Variants in ANO3 observed in about 807,000 individuals in gnomAD.
The protein encoded by ANO3 is anoctamin 3.
ANO3 carries 99 observed loss-of-function variants against 144.8 expected under a neutral mutation model. The observed-to-expected ratio is 0.68, with a 90% CI of 0.58 to 0.81. The LOEUF (loss-of-function observed/expected upper bound fraction) is 0.81. ANO3 is among the 30% of genes least tolerant of loss of function. ANO3 has a pLI of 0.00. For synonymous variants in ANO3, 414 were observed against 392.6 expected, an observed-to-expected ratio of 1.05 and a Z score of -0.64; for missense variants, 905 against 1,202.2, an observed-to-expected ratio of 0.75 and a Z score of 3.66.
intron 4 of ANO3, among the ~76,000 whole-genome samples, chr11:26,490,407 A>G (rs758606689): frequency 1.3e-5 from 2 of 152,196 alleles, no homozygotes; most frequent in African/African-American, 4.8e-5. Context: ...GCACATTATT[A>G]TAAACTCTAG....
At chr11:26,633,612 C>T (rs1251522550) in intron 18 of ANO3, among the ~76,000 whole-genome samples, 2 of 152,178 alleles carry the variant, frequency 1.3e-5, no homozygotes, top group Non-Finnish European at 2.9e-5. Flanking sequence ...ATGATGATAG[C>T]AGAGAGAATC....
intron 4 of ANO3, among the ~76,000 whole-genome samples, chr11:26,484,173 CA>C (rs995285431): frequency 1.4e-4 from 21 of 151,994 alleles, no homozygotes; most frequent in African/African-American, 5.1e-4. Flanking sequence ...AAAAGGGAAA[CA>C]GAGCATAAAA....
chr11:26,622,942 T>C (rs1172110885), intron 17 of ANO3, among the ~76,000 whole-genome samples: 1 of 152,186 alleles, frequency 6.6e-6, no homozygotes, highest in African/African-American at 2.4e-5. Context: ...GTACTATTTT[T>C]TGGGCAATTG....
At chr11:26,468,600 G>T (rs530700192) in intron 4 of ANO3, among the ~76,000 whole-genome samples, 17 of 152,074 alleles carry the variant, frequency 1.1e-4, no homozygotes, top group Non-Finnish European at 1.9e-4. Flanking sequence ...GATAGCTTTT[G>T]TAGTCTTCTA....
At chr11:26,234,274 T>G (rs1260448724) in intron 1 of ANO3, among the ~76,000 whole-genome samples, 1 of 152,224 alleles carries the variant, frequency 6.6e-6, no homozygotes, top group African/African-American at 2.4e-5. Context: ...GTTTGTTTTT[T>G]CATATTCTTA....
At chr11:26,229,148 C>A (rs1852330834) in intron 1 of ANO3, among the ~76,000 whole-genome samples, 1 of 151,958 alleles carries the variant, frequency 6.6e-6, no homozygotes, top group South Asian at 2.1e-4. Context: ...GTAGAAATTT[C>A]TCTAACATTT....
chr11:26,362,474 G>T (rs1855953889), intron 1 of ANO3, among the ~76,000 whole-genome samples: 1 of 152,098 alleles, frequency 6.6e-6, no homozygotes, highest in African/African-American at 2.4e-5. Context: ...ATGACCTATG[G>T]CAAGTAAAGC....
At chr11:26,319,129 A>C (rs923609519) in intron 1 of ANO3, among the ~76,000 whole-genome samples, 1 of 144,116 alleles carries the variant, frequency 6.9e-6, no homozygotes, top group Non-Finnish European at 1.5e-5. Flanking sequence ...GGTGTGTGCC[A>C]CTACTTCCAG....
At chr11:26,256,071 G>C (rs1853050207) in intron 1 of ANO3, among the ~76,000 whole-genome samples, 1 of 152,104 alleles carries the variant, frequency 6.6e-6, no homozygotes. Context: ...CAGGAAGCGG[G>C]GTCAGCATAG....
intron 1 of ANO3, among the ~76,000 whole-genome samples, chr11:26,215,968 C>A (rs533873733): frequency 6.6e-6 from 1 of 151,874 alleles, no homozygotes; most frequent in Non-Finnish European, 1.5e-5. Context: ...AACCAGGGTA[C>A]GATTATTTAT....
chr11:26,255,134 C>T (rs957570390), intron 1 of ANO3, among the ~76,000 whole-genome samples: 1 of 152,148 alleles, frequency 6.6e-6, no homozygotes, highest in African/African-American at 2.4e-5. Context: ...TTCTATGTAT[C>T]TCAGAGAGAT....
intron 13 of ANO3, among the ~76,000 whole-genome samples, chr11:26,557,342 TC>T (rs1432790730): frequency 6.6e-6 from 1 of 151,306 alleles, no homozygotes; most frequent in African/African-American, 2.4e-5. Flanking sequence ...GCGCCTGTAG[TC>T]CCAGCTACTC....
intron 1 of ANO3, among the ~76,000 whole-genome samples, chr11:26,217,202 T>C (rs569439723): frequency 3.7e-4 from 57 of 152,194 alleles, no homozygotes; most frequent in African/African-American, 1.4e-3. Context: ...GTATTTTACA[T>C]TTACGTCTAT....
chr11:26,191,079 C>A (rs748657157), intron 1 of ANO3, among the ~76,000 whole-genome samples: 3 of 152,010 alleles, frequency 2.0e-5, no homozygotes, highest in African/African-American at 7.2e-5. Context: ...CTCTTCTAGA[C>A]CAGCCTGACA....
chr11:26,504,848 A>G (rs2134130739), intron 4 of ANO3, among the ~76,000 whole-genome samples: 1 of 151,828 alleles, frequency 6.6e-6, no homozygotes. Flanking sequence ...CATCTGTACT[A>G]AAGATACAAA....
intron 1 of ANO3, among the ~76,000 whole-genome samples, chr11:26,401,110 T>C (rs1857136397): frequency 6.6e-6 from 1 of 152,000 alleles, no homozygotes; most frequent in South Asian, 2.1e-4. Flanking sequence ...GGTTCCTTTC[T>C]AAAAGGGAGA....
At position 26,254,991 on chromosome 11, in the gene ANO3, C is replaced by T. The variant is rs868173627; in HGVS notation, c.155-54654C>T. Among the ~76,000 whole-genome samples, 12 of 152,184 alleles carry T rather than the reference C, an allele frequency of 7.9e-5. No individual in the cohort carries two copies. The East Asian group carries it at 1.7e-3, about 22-fold the overall frequency. On this transcript the variant is annotated intron_variant, in intron 1 of 27. Transcript: ENST00000672621. ...AGTTGCTGAAATTGAGTGACAGACC[C>T]GGAATTCAAATCAAATCCCACATTG... is the stretch of plus-strand genomic sequence containing the variant.
At position 26,332,185 on chromosome 11, in the gene ANO3, T is replaced by A; in HGVS notation, c.-91T>A. On this transcript the variant is annotated 5_prime_UTR_variant, in exon 1 of 27. Coordinates refer to ENST00000256737, the MANE Select transcript of ANO3 (RefSeq NM_031418.4). ...CGGATTGCAGTGCGCTCGCTGAGGC[T>A]CCGGACCTTGGAGCGTCTAGAGTCT... 1 of 1,611,662 alleles carries A rather than the reference T, an allele frequency of 6.2e-7. No homozygotes were observed. The highest frequency in any genetic ancestry group is 1.7e-5 in the Admixed American group (1 of 59,874).
intron 1 of ANO3, among the ~76,000 whole-genome samples, chr11:26,318,490 T>C (rs937789043): frequency 3.3e-5 from 5 of 152,194 alleles, no homozygotes; most frequent in Non-Finnish European, 7.3e-5. Context: ...TGGTGATGCA[T>C]CTGTTAAAAG....
Sources: gnomAD v4.1 joint callset for allele counts (sites outside exome capture counted in the v4.1 genomes callset) on GRCh38, gnomAD v4.1.1 for gene constraint, MANE v1.5 for transcripts, NCBI Gene and HGNC (gene_info 2026-07-23, HGNC 2026-07-21) for gene names.